CCSER1: variants seen among roughly 807,000 people sequenced by gnomAD.
CCSER1 encodes coiled-coil serine rich protein 1, also known as serine-rich coiled-coil domain-containing protein 1.
A neutral mutation model predicts 82.0 loss-of-function variants in CCSER1; 41 were observed. The ratio of observed to expected loss-of-function variants is 0.50; its 90% CI spans 0.39 to 0.65. The LOEUF (loss-of-function observed/expected upper bound fraction) is 0.65, where lower values mean the gene tolerates loss of function less well. Ranked by LOEUF, CCSER1 falls within the 30% of genes least tolerant of loss-of-function variation. The pLI is 0.00. For synonymous variants in CCSER1, 414 were observed against 383.9 expected (o/e 1.08, Z -0.92); for missense variants, 1,119 against 1,064.2 (o/e 1.05, Z -0.72).
At chr4:91,465,344 A>G (rs56309507) in intron 10 of CCSER1, among the ~76,000 whole-genome samples, 17,654 of 152,152 alleles carry the variant, frequency 0.12, 1,070 homozygotes, top group African/African-American at 0.14. Flanking sequence ...TCTCTGGGAC[A>G]CATTTAAAGC....
intron 4 of CCSER1, among the ~76,000 whole-genome samples, chr4:90,426,936 T>A: frequency 6.6e-6 from 1 of 152,130 alleles, no homozygotes; most frequent in East Asian, 1.9e-4. Flanking sequence ...AACTTCTAGA[T>A]GATTCTTCTA....
At chr4:90,520,032 A>G (rs1772877290) in intron 5 of CCSER1, among the ~76,000 whole-genome samples, 1 of 152,030 alleles carries the variant, frequency 6.6e-6, no homozygotes, top group African/African-American at 2.4e-5. Flanking sequence ...TTAACAATTT[A>G]AGCCTCCCAA....
intron 10 of CCSER1, among the ~76,000 whole-genome samples, chr4:91,307,868 G>A (rs1745183294): frequency 6.6e-6 from 1 of 151,868 alleles, no homozygotes; most frequent in Admixed American, 6.6e-5. Context: ...CCGTTTTAAT[G>A]GGTCCATGAA....
chr4:90,484,325 C>G (rs1199736238), intron 5 of CCSER1, among the ~76,000 whole-genome samples: 2 of 152,100 alleles, frequency 1.3e-5, no homozygotes, highest in Non-Finnish European at 2.9e-5. Context: ...GAACTTCCTC[C>G]TTTAGCTCGG....
intron 9 of CCSER1, among the ~76,000 whole-genome samples, chr4:91,080,842 A>G (rs1390780843): frequency 6.6e-6 from 1 of 152,224 alleles, no homozygotes; most frequent in Non-Finnish European, 1.5e-5. Context: ...TCCTGGACAC[A>G]TACACCCTCC....
intron 8 of CCSER1, among the ~76,000 whole-genome samples, chr4:90,902,327 T>G (rs1199267676): frequency 2.0e-5 from 3 of 152,088 alleles, no homozygotes; most frequent in Non-Finnish European, 4.4e-5. Context: ...CATTGCTAGA[T>G]AGCTAGTATG....
At chr4:90,468,530 A>G (rs1763933087) in intron 5 of CCSER1, 176 bp downstream of exon 5, 4 of 527,408 alleles carry the variant, frequency 7.6e-6, no homozygotes, top group Non-Finnish European at 9.5e-6. Flanking sequence ...GTGTCTCCTA[A>G]CTTCATGTCT....
At chr4:90,326,215 C>G (rs779604138) in intron 3 of CCSER1, among the ~76,000 whole-genome samples, 3 of 151,938 alleles carry the variant, frequency 2.0e-5, no homozygotes, top group African/African-American at 7.3e-5. Context: ...CCTGCCACCA[C>G]GCCCGGCTAA....
At chr4:90,941,258 A>G (rs527636715) in intron 9 of CCSER1, among the ~76,000 whole-genome samples, 2 of 152,238 alleles carry the variant, frequency 1.3e-5, no homozygotes, top group South Asian at 4.1e-4. Context: ...CATTCTGACA[A>G]TTTAATTTGA....
At chr4:90,762,068 T>C (rs1156608351) in intron 7 of CCSER1, among the ~76,000 whole-genome samples, 1 of 152,144 alleles carries the variant, frequency 6.6e-6, no homozygotes, top group African/African-American at 2.4e-5. Flanking sequence ...AAGACTGATA[T>C]GATTTGGCTG....
At chr4:91,254,978 A>G (rs980233752) in intron 10 of CCSER1, among the ~76,000 whole-genome samples, 1 of 152,056 alleles carries the variant, frequency 6.6e-6, no homozygotes, top group Non-Finnish European at 1.5e-5. Context: ...TACTACTGTG[A>G]TTACTTCATA....
chr4:90,204,741 T>C (rs1381476780), intron 1 of CCSER1, among the ~76,000 whole-genome samples: 1 of 152,216 alleles, frequency 6.6e-6, no homozygotes, highest in Non-Finnish European at 1.5e-5. Flanking sequence ...AAGTCAATGG[T>C]AGCTTGATGG....
chr4:91,230,933 T>C (rs1331638491), intron 10 of CCSER1, among the ~76,000 whole-genome samples: 1 of 151,784 alleles, frequency 6.6e-6, no homozygotes, highest in African/African-American at 2.4e-5. Flanking sequence ...TTCAAAAGAA[T>C]TTTAGAATAA....
intron 10 of CCSER1, among the ~76,000 whole-genome samples, chr4:91,116,004 C>T (rs111558046): frequency 2.4e-4 from 36 of 151,810 alleles, no homozygotes; most frequent in Admixed American, 4.6e-4. Flanking sequence ...ATCCCTCCCC[C>T]CTGTCCCCAC....
chr4:90,499,831 G>T (rs1769588906), intron 5 of CCSER1, among the ~76,000 whole-genome samples: 1 of 152,096 alleles, frequency 6.6e-6, no homozygotes, highest in African/African-American at 2.4e-5. Context: ...GGACTATTTT[G>T]CTATGACCAA....
chr4:90,256,162 C>T lies in CCSER1; in HGVS notation c.-41-52082C>T, dbSNP rs555553508. Among the ~76,000 whole-genome samples, 26 of 152,246 alleles carry T rather than the reference C, an allele frequency of 1.7e-4. No individual in the cohort carries two copies. In the South Asian group the frequency reaches 3.1e-3, roughly 18 times the overall value. On this transcript the variant is annotated intron_variant, in intron 1 of 10. Transcript: ENST00000509176. ...CTGTTCCATGTCCATCTGAAGTTCT[C>T]TCTTGGTTATTTGAGTAATGGAGGA...
chr4:90,496,512 A>G (rs1431464742), intron 5 of CCSER1, among the ~76,000 whole-genome samples: 1 of 152,184 alleles, frequency 6.6e-6, no homozygotes, highest in African/African-American at 2.4e-5. Flanking sequence ...ATTTGTCCTC[A>G]TAAACTAGGT....
intron 1 of CCSER1, among the ~76,000 whole-genome samples, chr4:90,254,878 G>T (rs56719283): frequency 0.043 from 6,496 of 151,776 alleles, 354 homozygotes; most frequent in African/African-American, 0.13. Flanking sequence ...ACCTGTTATG[G>T]TTGTTCCTCC....
Position 91,158,122 on chromosome 4 carries a change from A to T in CCSER1, c.2217+72128A>T, listed in dbSNP as rs1013440691. On this transcript the variant is annotated intron_variant, in intron 10 of 10. Coordinates refer to ENST00000509176, the MANE Select transcript of CCSER1 (RefSeq NM_001145065.2). ...AGATGAAGTTTCAGTGTTAGATTTC[A>T]TGGCATCAGTATTGAATGCTTCTCA... 9.2e-5 allele frequency among the ~76,000 whole-genome samples: 14 copies of T among 152,032 alleles called. 1 individual carries two copies. Among genetic ancestry groups the T allele is most frequent in the African/African-American group, 3.1e-4 (13 of 41,442 alleles).
Sources: allele counts gnomAD v4.1 joint callset (sites outside exome capture counted in the v4.1 genomes callset), GRCh38; gene constraint gnomAD v4.1.1; transcripts MANE v1.5; gene names NCBI Gene and HGNC (gene_info 2026-07-23, HGNC 2026-07-21).